The following INPP5B variants were observed in gnomAD, a reference collection of about 807,000 sequenced individuals.
INPP5B encodes the protein type II inositol 1,4,5-trisphosphate 5-phosphatase.
INPP5B carries 90 observed loss-of-function variants against 118.5 expected under a neutral mutation model. The ratio of observed to expected loss-of-function variants is 0.76; its 90% CI spans 0.64 to 0.90. The LOEUF is 0.90. Among genes scored for constraint, INPP5B ranks in the 40% least tolerant of loss-of-function variants. INPP5B has a pLI of 0.00. For missense variants in INPP5B, 984 were observed against 1,125.6 expected (o/e 0.87, Z 1.80); for synonymous variants, 385 against 418.9 (o/e 0.92, Z 0.99).
At chr1:37,918,663 C>A (rs933306404) in intron 7 of INPP5B, among the ~76,000 whole-genome samples, 3 of 152,208 alleles carry the variant, frequency 2.0e-5, no homozygotes, top group African/African-American at 7.2e-5. Context: ...CTGACTCCAT[C>A]CATCACCTCT....
intron 7 of INPP5B, among the ~76,000 whole-genome samples, chr1:37,909,454 C>A (rs980521185): frequency 3.9e-5 from 6 of 152,168 alleles, no homozygotes; most frequent in South Asian, 4.1e-4. Flanking sequence ...AGCCCTCCCC[C>A]ACCTGCCCAA....
chr1:37,889,815 T>C, intron 8 of INPP5B, 91 bp from the exon 9 acceptor site: 4 of 933,924 alleles, frequency 4.3e-6, no homozygotes, highest in Non-Finnish European at 4.8e-6. Flanking sequence ...TATACAAGCA[T>C]CTAAGTCACA....
intron 7 of INPP5B, among the ~76,000 whole-genome samples, chr1:37,928,055 T>C (rs1313834212): frequency 6.6e-6 from 1 of 152,196 alleles, no homozygotes; most frequent in Non-Finnish European, 1.5e-5. Context: ...CAAGGAACAC[T>C]GTCCTGCTGG....
At chr1:37,864,058 G>C (rs1315592954) in intron 23 of INPP5B, among the ~76,000 whole-genome samples, 1 of 151,770 alleles carries the variant, frequency 6.6e-6, no homozygotes, top group Non-Finnish European at 1.5e-5. Flanking sequence ...CAGGTGATCC[G>C]TCCACCTGAG....
In INPP5B at chr1:37,907,988, C is replaced by T. The variant is rs114673716; in HGVS notation, c.533-16534G>A. On this transcript the variant is annotated intron_variant, in intron 7 of 23. Transcript: ENST00000373024. The surrounding 1 kb of genome is among the most constrained non-coding windows in gnomAD (Gnocchi z 4.3). Reference sequence around the variant, plus strand: ...CACCCTAAGTGATAGGCTATGTTCTCCCCCGCCCTTAAGAAGGTACTTTGT... The same window carrying T: ...CACCCTAAGTGATAGGCTATGTTCTTCCCCGCCCTTAAGAAGGTACTTTGT... Among the ~76,000 whole-genome samples the T allele has an allele frequency of 0.012, 1,847 of 151,924 alleles. 25 individuals are homozygous for T. Among genetic ancestry groups the T allele is most frequent in the African/African-American group, 0.042 (1,749 of 41,440 alleles).
rs368941765 is a variant in INPP5B at position 37,874,162 on chromosome 1, A to G, written c.1789-7T>C. On this transcript the variant is annotated splice_polypyrimidine_tract_variant and splice_region_variant and intron_variant, in intron 17 of 23. Coordinates refer to ENST00000373024, the MANE Select transcript of INPP5B (RefSeq NM_005540.3). ...TCACATTCTGAAAACAGAACTGGGA[A>G]GAAGCCCGGGGCCAGTGAAAACCAG... The G allele has an allele frequency of 8.4e-6, 13 of 1,554,630 alleles. No homozygotes were observed. The highest frequency in any genetic ancestry group is 1.2e-5 in the South Asian group (1 of 85,358).
chr1:37,904,092 C>CGA (rs895463593), intron 7 of INPP5B, among the ~76,000 whole-genome samples: 2 of 151,802 alleles, frequency 1.3e-5, no homozygotes, highest in African/African-American at 4.8e-5. Context: ...TTTGGGAGGC[C>CGA]GAGGCAGACA....
At chr1:37,883,255 C>T (rs532887958) in intron 13 of INPP5B, 225 of 985,456 alleles carry the variant, frequency 2.3e-4, no homozygotes, top group East Asian at 1.4e-3. Flanking sequence ...TTGAGAGTCA[C>T]GCCAATCACC....
At chr1:37,873,601 G>A (rs1192143238) in intron 18 of INPP5B, among the ~76,000 whole-genome samples, 1 of 152,180 alleles carries the variant, frequency 6.6e-6, no homozygotes, top group Admixed American at 6.5e-5. Context: ...GTGCGAAGGA[G>A]AAGTCGGGAA....
intron 7 of INPP5B, among the ~76,000 whole-genome samples, chr1:37,923,387 C>G (rs966337544): frequency 6.6e-6 from 1 of 152,170 alleles, no homozygotes; most frequent in Non-Finnish European, 1.5e-5. Context: ...GAGAAGCAGG[C>G]TGAGGTCAGG....
intron 19 of INPP5B, 27 bp from the exon 20 acceptor site, chr1:37,868,641 A>C: frequency 2.7e-6 from 4 of 1,496,970 alleles, no homozygotes; most frequent in Non-Finnish European, 3.7e-6. Context: ...ATCATGACAG[A>C]ACTTCTGCCA....
At chr1:37,889,816 C>G in intron 8 of INPP5B, 92 bp from the exon 9 acceptor site, 1 of 925,300 alleles carries the variant, frequency 1.1e-6, no homozygotes, top group Non-Finnish European at 1.6e-6. Flanking sequence ...ATACAAGCAT[C>G]TAAGTCACAG....
chr1:37,867,155 C>G (rs61776662), intron 20 of INPP5B, among the ~76,000 whole-genome samples: 14,567 of 152,196 alleles, frequency 0.096, 869 homozygotes, highest in Middle Eastern at 0.24. Context: ...TTGCTAGAGC[C>G]GGGGAGGCGG....
At chr1:37,910,650 C>T (rs534186761) in intron 7 of INPP5B, among the ~76,000 whole-genome samples, 27 of 152,148 alleles carry the variant, frequency 1.8e-4, no homozygotes, top group Non-Finnish European at 3.2e-4. Flanking sequence ...TCCCATCCCA[C>T]AGCACGCTTT....
chr1:37,919,018 T>C (rs1011579966), intron 7 of INPP5B, among the ~76,000 whole-genome samples: 3 of 152,204 alleles, frequency 2.0e-5, no homozygotes, highest in Non-Finnish European at 2.9e-5. Flanking sequence ...CTCAAGGACA[T>C]AGAGCCAGTA....
At chr1:37,883,799 C>T (rs953015992) in intron 13 of INPP5B, 1 of 985,442 alleles carries the variant, frequency 1.0e-6, no homozygotes, top group Non-Finnish European at 1.2e-6. Flanking sequence ...TCCACCTCGG[C>T]AGGCAGGACA....
intron 7 of INPP5B, chr1:37,930,723 C>CTCA (rs1362056359): frequency 6.6e-6 from 1 of 152,224 alleles, no homozygotes; most frequent in South Asian, 2.1e-4. Context: ...CTGCTCACCT[C>CTCA]GTTTCCTCTC....
rs1404123320 is a variant in INPP5B, at chr1:37,899,393, G to GT, written c.533-7940dup. On this transcript the variant is annotated intron_variant, in intron 7 of 23. Coordinates refer to ENST00000373024, the MANE Select transcript of INPP5B (RefSeq NM_005540.3). ...AGCCTGACCAACATGGAGAAACCCCGTCTCTACTTAAAATACAAAATAGCC... is the reference window on the plus strand; with the variant it reads ...AGCCTGACCAACATGGAGAAACCCCGTTCTCTACTTAAAATACAAAATAGCC... Among the ~76,000 whole-genome samples the GT allele has an allele frequency of 2.0e-5, 3 of 151,294 alleles. No homozygotes were observed. The East Asian group carries it at 5.9e-4, about 30-fold the overall frequency.
intron 2 of INPP5B, 83 bp from the exon 3 acceptor site, chr1:37,945,933 GC>G: frequency 1.6e-5 from 21 of 1,275,210 alleles, no homozygotes; most frequent in Admixed American, 3.8e-5. Flanking sequence ...CTGTTCCCCT[GC>G]CCCCCCAGAT....
Sources: gnomAD v4.1 joint callset for allele counts (sites outside exome capture counted in the v4.1 genomes callset) on GRCh38, gnomAD v4.1.1 for gene constraint, Gnocchi (gnomAD v3.1) non-coding constraint, MANE v1.5 for transcripts, NCBI Gene and HGNC (gene_info 2026-07-23, HGNC 2026-07-21) for gene names.